PELP1: variants seen among roughly 807,000 people sequenced by gnomAD.
PELP1 encodes proline-, glutamic acid- and leucine-rich protein 1.
In PELP1, 32 loss-of-function variants were observed where a neutral mutation model predicts 95.5. The ratio of observed to expected loss-of-function variants is 0.34; its 90% confidence interval spans 0.25 to 0.45. The LOEUF (loss-of-function observed/expected upper bound fraction) is 0.45. PELP1 is among the 20% of genes least tolerant of loss of function. The pLI is 1.00. For missense variants in PELP1, 1,358 were observed against 1,444.8 expected (o/e 0.94, Z 0.97); for synonymous variants, 668 against 600.1 (o/e 1.11, Z -1.65).
At chr17:4,700,023 C>T (rs1305387747) in intron 1 of PELP1, among the ~76,000 whole-genome samples, 2 of 151,666 alleles carry the variant, frequency 1.3e-5, no homozygotes, top group African/African-American at 4.8e-5. Context: ...GCCTCAGCCT[C>T]CTGAATGGCT....
At chr17:4,699,897 A>AGTTTTT in intron 1 of PELP1, among the ~76,000 whole-genome samples, 1 of 86,740 alleles carries the variant, frequency 1.2e-5, no homozygotes, top group Non-Finnish European at 2.0e-5. Flanking sequence ...CTAGAGGGTG[A>AGTTTTT]TTTTTTTTTT....
In PELP1 at chr17:4,674,576, C is replaced by A. The variant is rs747527376; in HGVS notation, c.1516G>T (p.Ala506Ser). The change falls in exon 13 of 17, where the codon GCC becomes TCC. Residue 506 changes from alanine to serine, a missense_variant. Coordinates refer to ENST00000572293, the MANE Select transcript of PELP1 (RefSeq NM_014389.3). ...KLKLDVGEAM[A>S]PPSHRKGDSN... ...TCCCCTTTCCGGTGGCTTGGCGGGG[C>A]CATAGCTTCCCCCACATCCAGCTTT... The A allele has an allele frequency of 4.2e-5, 67 of 1,611,850 alleles. No homozygotes were observed. Among genetic ancestry groups the A allele is most frequent in the Non-Finnish European group, 4.7e-5 (55 of 1,179,280 alleles).
chr17:4,698,583 A>G (rs1240594629), intron 1 of PELP1, among the ~76,000 whole-genome samples: 1 of 147,262 alleles, frequency 6.8e-6, no homozygotes, highest in African/African-American at 2.5e-5. Flanking sequence ...CGGAGGTTCC[A>G]GTGAGCCAAG....
At chr17:4,694,059 T>C (rs1425616610) in intron 1 of PELP1, among the ~76,000 whole-genome samples, 1 of 152,100 alleles carries the variant, frequency 6.6e-6, no homozygotes, top group East Asian at 1.9e-4. Context: ...AATAAAGTCT[T>C]GACACATGGA....
chr17:4,701,473 G>A (rs927260405), intron 1 of PELP1, among the ~76,000 whole-genome samples: 1 of 152,190 alleles, frequency 6.6e-6, no homozygotes, highest in Non-Finnish European at 1.5e-5. Context: ...CAGCTACTGT[G>A]TGGGGAACGG....
In PELP1 at chr17:4,671,801, G is replaced by T. The variant is rs759811653; in HGVS notation, c.3190C>A (p.Leu1064Met). ...VEEEPSAPPT[L>M]LEEETEDGSD... ...CCATCCTCAGTCTCCTCTTCCAACAGGGTTGGGGGAGCAGAGGGCTCTTCT... is the reference window on the plus strand; with the variant it reads ...CCATCCTCAGTCTCCTCTTCCAACATGGTTGGGGGAGCAGAGGGCTCTTCT... Residue 1064 changes from leucine to methionine, a missense_variant, in exon 16 of 17, where the codon CTG (leucine) becomes ATG (methionine). By Grantham distance (15) the Leu-to-Met change is conservative. This residue lies in a region of PELP1 where 283 missense variants were observed against 284.1 expected (regional missense o/e 1.00). Transcript: ENST00000572293. 1 of 1,515,826 alleles carries T rather than the reference G, an allele frequency of 6.6e-7. No homozygotes were observed. The highest frequency in any genetic ancestry group is 8.8e-7 in the Non-Finnish European group (1 of 1,136,106). The allele number at this position is 1,515,826 out of a possible 1,614,324, so 93.9% of individuals were successfully genotyped here.
rs1046199362 is a variant in PELP1, at chr17:4,673,091, G to A, written c.1900C>T (p.Arg634Trp). ...CCCATGGGCTGCAGGGGAGGAACCC[G>A]GGGGTGGGTCAGAGCAGCACAGGTC... is the stretch of plus-strand genomic sequence containing the variant. ...LVTCAALTHP[R>W]VPPLQPMGPT... The change falls in exon 16 of 17, where the codon CGG becomes TGG. Residue 634 changes from arginine (R) to tryptophan (W), a missense_variant. Physicochemically the swap from Arg to Trp is moderately radical, Grantham distance 101. Coordinates refer to ENST00000572293, the MANE Select transcript of PELP1 (RefSeq NM_014389.3). The surrounding 1 kb of genome is among the most constrained non-coding windows in gnomAD (Gnocchi z 5.7). The A allele has an allele frequency of 2.0e-6, 3 of 1,522,958 alleles. No individual in the cohort carries two copies. The highest frequency in any genetic ancestry group is 1.4e-5 in the African/African-American group (1 of 71,970). The allele number at this position is 1,522,958 out of a possible 1,614,324, so 94.3% of individuals were successfully genotyped here. A position where few individuals can be genotyped will look rare whatever the true frequency, so the allele number is the denominator to read the frequency against.
intron 2 of PELP1, 56 bp from the exon 3 acceptor site, chr17:4,691,049 G>A: frequency 8.0e-7 from 1 of 1,243,270 alleles, no homozygotes; most frequent in Non-Finnish European, 1.2e-6. Context: ...TTCAGAGAAA[G>A]TGACTGCTCT....
At chr17:4,690,771 G>C in intron 3 of PELP1, 117 bp downstream of exon 3, 1 of 660,734 alleles carries the variant, frequency 1.5e-6, no homozygotes, top group Non-Finnish European at 2.7e-6. Flanking sequence ...TCAGGGAATT[G>C]TTTCCAATTA....
At chr17:4,683,827 GC>G (rs1912807089) in intron 3 of PELP1, among the ~76,000 whole-genome samples, 2 of 125,146 alleles carry the variant, frequency 1.6e-5, no homozygotes, top group South Asian at 2.5e-4. Flanking sequence ...ACAGTGCCCA[GC>G]CTTTTTTTTT....
At chr17:4,696,917 G>C (rs1252834011) in intron 1 of PELP1, 3 of 151,970 alleles carry the variant, frequency 2.0e-5, no homozygotes, top group Non-Finnish European at 2.9e-5. Flanking sequence ...AGCAGGTTTT[G>C]GGGTGACAAT....
At position 4,704,007 on chromosome 17, in the gene PELP1, C is replaced by A. The variant is rs774369385; in HGVS notation, c.105G>T (p.Leu35=). ...AACCAGAAACACTCTCCAGCAGCAG[C>A]AGGCGGAGCCGCGGGCCCGAGCTCA... ...SAVSSGPRLR[L]LLLESVSGLL... is the part of the protein sequence containing the mutation. The change falls in exon 1 of 17, where the codon CTG becomes CTT. Residue 35 remains leucine (L), a synonymous_variant. Transcript: ENST00000572293. The A allele has an allele frequency of 6.2e-7, 1 of 1,613,278 alleles. No homozygotes were observed. Among genetic ancestry groups the A allele is most frequent in the Non-Finnish European group, 8.5e-7 (1 of 1,179,740 alleles).
In PELP1 at chr17:4,671,860, G is replaced by T; in HGVS notation, c.3131C>A (p.Pro1044His). 1 of 1,513,262 alleles carries T rather than the reference G, an allele frequency of 6.6e-7. No homozygotes were observed. Among genetic ancestry groups the T allele is most frequent in the Non-Finnish European group, 8.8e-7 (1 of 1,134,850 alleles). 93.7% of individuals were successfully genotyped at this position (1,513,262 alleles called of 1,614,324 possible). Residue 1044 changes from proline (P) to histidine (H), a missense_variant, in exon 16 of 17, where the codon CCT (proline) becomes CAT (histidine). Physicochemically the swap from Pro to His is moderately conservative, Grantham distance 77. Around this residue, in one of 7 missense-constraint regions of PELP1, gnomAD observed 283 missense variants for 284.1 expected, o/e 1.00. Coordinates refer to ENST00000572293, the MANE Select transcript of PELP1 (RefSeq NM_014389.3). Reference sequence around the variant, plus strand: ...CTCCTGGGGAGGGGGCCCTGCCGCAGGGCTTTCCCCTTCCCTCTCCACCTC... The same window carrying T: ...CTCCTGGGGAGGGGGCCCTGCCGCATGGCTTTCCCCTTCCCTCTCCACCTC... The part of the protein sequence containing the change: ...QGEVEREGES[P>H]AAGPPPQELV...
At chr17:4,687,980 C>T (rs1282828262) in intron 3 of PELP1, among the ~76,000 whole-genome samples, 2 of 152,176 alleles carry the variant, frequency 1.3e-5, no homozygotes, top group Admixed American at 1.3e-4. Flanking sequence ...CCACTTTCAC[C>T]ACTTCTATTC....
rs1913674575 is a variant in PELP1, at chr17:4,704,070, C to T, written c.42G>A (p.Ala14=). 1.9e-6 allele frequency: 3 copies of T among 1,611,666 alleles called. No individual in the cohort carries two copies. Among genetic ancestry groups the T allele is most frequent in the African/African-American group, 1.3e-5 (1 of 75,046 alleles). ...AVLSGPSAGS[A]AGVPGGTGGL... ...CCCCGGTCCCGCCAGGAACCCCAGC[C>T]GCGGAGCCCGCAGAGGGCCCACTCA... The change falls in exon 1 of 17, where the codon GCG becomes GCA. Residue 14 remains alanine, a synonymous_variant. Coordinates refer to ENST00000572293, the MANE Select transcript of PELP1 (RefSeq NM_014389.3).
At position 4,673,744 on chromosome 17, in the gene PELP1, C is replaced by T; in HGVS notation, c.1583-70G>A. The T allele has an allele frequency of 1.5e-6, 2 of 1,370,622 alleles. No individual in the cohort carries two copies. The highest frequency in any genetic ancestry group is 2.1e-6 in the Non-Finnish European group (2 of 958,024). 84.9% of individuals were successfully genotyped at this position (1,370,622 alleles called of 1,614,324 possible). A position where few individuals can be genotyped will look rare whatever the true frequency, so the allele number is the denominator to read the frequency against. ...TGACGGCAAGGGCTTCTGAAGCATA[C>T]AGCCCAAAATGGGCATCAACTCTGC... On this transcript the variant is annotated intron_variant, in intron 13 of 16. Transcript: ENST00000572293. This position sits in a 1 kb window ranked among gnomAD's most constrained non-coding sequence, Gnocchi z 5.7.
intron 1 of PELP1, among the ~76,000 whole-genome samples, chr17:4,701,563 A>G (rs1913538763): frequency 6.6e-6 from 1 of 152,248 alleles, no homozygotes; most frequent in Non-Finnish European, 1.5e-5. Flanking sequence ...GATATGGAGC[A>G]CTGTGCTAGG....
intron 13 of PELP1, 136 bp downstream of exon 13, chr17:4,674,374 C>A: frequency 5.4e-6 from 4 of 736,956 alleles, no homozygotes; most frequent in Non-Finnish European, 8.9e-6. Flanking sequence ...TCACTTATCG[C>A]AGTGGACGAA....
At position 4,675,137 on chromosome 17, in the gene PELP1, G is replaced by A. The variant is rs57055104; in HGVS notation, c.1216C>T (p.Leu406Phe). 6.2e-7 allele frequency: 1 copy of A among 1,613,924 alleles called. No individual in the cohort carries two copies. The highest frequency in any genetic ancestry group is 8.5e-7 in the Non-Finnish European group (1 of 1,179,880). The change falls in exon 11 of 17, where the codon CTC (leucine) becomes TTC (phenylalanine). Residue 406 changes from leucine (L) to phenylalanine (F), a missense_variant. By Grantham distance (22) the Leu-to-Phe change is conservative (BLOSUM62 0). Around this residue, in one of 7 missense-constraint regions of PELP1, gnomAD observed 538 missense variants for 628.1 expected, o/e 0.86. Transcript: ENST00000572293. This position sits in a 1 kb window ranked among gnomAD's most constrained non-coding sequence, Gnocchi z 4.3. ...TCTCTACCGATGCTCCAGGAATTGA[G>A]GACCTGGGGAAGCAGGCGGCCGATC... ...ILIGRLLPQV[L>F]NSWSIGRDSL...
Sources: gnomAD v4.1 joint callset for allele counts (sites outside exome capture counted in the v4.1 genomes callset) on GRCh38, gnomAD v4.1.1 for gene constraint, gnomAD v4.1.1 regional missense constraint, Gnocchi (gnomAD v3.1) non-coding constraint, MANE v1.5 for transcripts, NCBI Gene and HGNC (gene_info 2026-07-23, HGNC 2026-07-21) for gene names.